Variants in HGSNAT observed in about 807,000 individuals in gnomAD.
HGSNAT encodes heparan-alpha-glucosaminide N-acetyltransferase, also known as transmembrane protein 76.
Under a neutral mutation model 85.2 loss-of-function variants are expected in HGSNAT, and 59 were observed. That is an observed-to-expected ratio of 0.69 (90% CI 0.56 to 0.86). The LOEUF (loss-of-function observed/expected upper bound fraction) is 0.86. HGSNAT is among the 40% of genes least tolerant of loss of function. HGSNAT has a pLI of 0.00. For synonymous variants in HGSNAT, 321 were observed against 304.5 expected (o/e 1.05, Z -0.56); for missense variants, 756 against 777.1 (o/e 0.97, Z 0.32).
intron 17 of HGSNAT, among the ~76,000 whole-genome samples, chr8:43,199,084 A>G (rs1804830735): frequency 6.6e-6 from 1 of 152,090 alleles, no homozygotes; most frequent in South Asian, 2.1e-4. Context: ...TATTTTTAGT[A>G]GAGACGGGGT....
chr8:43,187,832 G>T lies in HGSNAT; in HGVS notation c.1129-3642G>T, dbSNP rs146128478. Among the ~76,000 whole-genome samples, 851 of 152,286 alleles carry T rather than the reference G, an allele frequency of 5.6e-3. 19 individuals are homozygous for T. Among genetic ancestry groups the T allele is most frequent in the Admixed American group, 0.039 (590 of 15,296 alleles). ...TTCCTTGAGGAGCTCTTGTAAGGTA[G>T]GCCTGCTGGTGACAAAATCTTTCAG... is the stretch of plus-strand genomic sequence containing the variant. On this transcript the variant is annotated intron_variant, in intron 11 of 17. Coordinates refer to ENST00000379644, the MANE Select transcript of HGSNAT (RefSeq NM_152419.3).
chr8:43,184,386 GTGA>G (rs1453542895), intron 11 of HGSNAT, among the ~76,000 whole-genome samples: 1 of 152,284 alleles, frequency 6.6e-6, no homozygotes, highest in South Asian at 2.1e-4. Flanking sequence ...CTGATGGCCA[GTGA>G]TGATGAGCAT....
Position 43,180,044 on chromosome 8 carries a change from G to C in HGSNAT, c.1012+1810G>C. On this transcript the variant is annotated intron_variant, in intron 10 of 17. Transcript: ENST00000379644. ...GAGCCCCTCACCTCCCAGACGGGGC[G>C]GCTGGCCGGGCGGGGGGCTGACCCC... is the stretch of plus-strand genomic sequence containing the variant. Among the ~76,000 whole-genome samples the C allele has an allele frequency of 1.6e-5, 2 of 123,056 alleles. 1 individual carries two copies. Among genetic ancestry groups the C allele is most frequent in the Non-Finnish European group, 3.5e-5 (2 of 57,928 alleles). 80.7% of individuals were successfully genotyped at this position (123,056 alleles called of 152,430 possible).
intron 1 of HGSNAT, among the ~76,000 whole-genome samples, chr8:43,140,840 G>A (rs1034199978): frequency 6.6e-5 from 10 of 152,204 alleles, no homozygotes; most frequent in Admixed American, 5.9e-4. Flanking sequence ...GGGCGGTTCG[G>A]ACCGCGGCGG....
At chr8:43,141,253 C>T (rs539987459) in intron 1 of HGSNAT, among the ~76,000 whole-genome samples, 5 of 152,268 alleles carry the variant, frequency 3.3e-5, no homozygotes, top group South Asian at 2.1e-4. Context: ...CCGCGCGTCT[C>T]CCCTCGGCGC....
At chr8:43,167,898 C>T in intron 5 of HGSNAT, 1 of 261,062 alleles carries the variant, frequency 3.8e-6, no homozygotes, top group Non-Finnish European at 7.7e-6. Flanking sequence ...TTAATGTTAT[C>T]TGGATATCTT....
chr8:43,158,689 T>C lies in HGSNAT; in HGVS notation c.349T>C (p.Leu117=), dbSNP rs767496944. Residue 117 remains leucine, a synonymous_variant, in exon 3 of 18, where the codon TTG becomes CTG. Coordinates refer to ENST00000379644, the MANE Select transcript of HGSNAT (RefSeq NM_152419.3). ...HGSILQLNDT[L]EEKEVCRLEY... is the part of the protein sequence containing the mutation. ...ATCTATCCTGCAGCTGAACGACACC[T>C]TGGAAGAGAAAGAAGTTTGTAGGTT... 1 of 1,606,630 alleles carries C rather than the reference T, an allele frequency of 6.2e-7. No homozygotes were observed. The highest frequency in any genetic ancestry group is 1.7e-5 in the Admixed American group (1 of 58,736).
rs1804859911 is a variant in HGSNAT at position 43,199,785 on chromosome 8, T to A, written c.*216T>A. The A allele has an allele frequency of 5.3e-6, 2 of 374,966 alleles. No homozygotes were observed. Among genetic ancestry groups the A allele is most frequent in the Non-Finnish European group, 9.4e-6 (2 of 211,792 alleles). The allele number at this position is 374,966 out of a possible 1,614,324, so 23.2% of individuals were successfully genotyped here. A position where few individuals can be genotyped will look rare whatever the true frequency, so the allele number is the denominator to read the frequency against. On this transcript the variant is annotated 3_prime_UTR_variant, in exon 18 of 18. Transcript: ENST00000379644. ...GTGACTTACAGATTTGAAATGTAAT[T>A]GTCTTTTTTCCTCCATCTTCTGTGG...
chr8:43,199,605 G>A lies in HGSNAT; in HGVS notation c.*36G>A, dbSNP rs1386979723. The A allele has an allele frequency of 2.7e-6, 4 of 1,468,936 alleles. No individual in the cohort carries two copies. The African/African-American group carries it at 4.2e-5, about 16-fold the overall frequency. 91.0% of individuals were successfully genotyped at this position (1,468,936 alleles called of 1,614,324 possible). A position where few individuals can be genotyped will look rare whatever the true frequency, so the allele number is the denominator to read the frequency against. Reference sequence around the variant, plus strand: ...TGAGATGTGCTGCTGGAAGACTCTAGTAGGCCTGCAGGGAGGACTGAAGCA... The same window carrying A: ...TGAGATGTGCTGCTGGAAGACTCTAATAGGCCTGCAGGGAGGACTGAAGCA... On this transcript the variant is annotated 3_prime_UTR_variant, in exon 18 of 18. Transcript: ENST00000379644.
intron 4 of HGSNAT, 119 bp from the exon 5 acceptor site, chr8:43,161,319 C>A: frequency 1.4e-6 from 1 of 707,550 alleles, no homozygotes; most frequent in Non-Finnish European, 2.4e-6. Context: ...GGAAATTCAG[C>A]ATGAGAATAT....
intron 11 of HGSNAT, among the ~76,000 whole-genome samples, chr8:43,185,686 T>C (rs1357305970): frequency 6.6e-6 from 1 of 152,098 alleles, no homozygotes; most frequent in Non-Finnish European, 1.5e-5. Flanking sequence ...TGAACAGGAG[T>C]GGTGAGAGAG....
At chr8:43,145,798 A>T (rs1459126976) in intron 1 of HGSNAT, among the ~76,000 whole-genome samples, 1 of 152,092 alleles carries the variant, frequency 6.6e-6, no homozygotes, top group Non-Finnish European at 1.5e-5. Flanking sequence ...TGAAGAATTC[A>T]TGATTCTGCC....
intron 17 of HGSNAT, 83 bp downstream of exon 17, chr8:43,198,035 G>T (rs1804786464): frequency 1.0e-6 from 1 of 980,862 alleles, no homozygotes; most frequent in South Asian, 1.5e-5. Flanking sequence ...CTTGGTGCTG[G>T]GGTCTTGAGC....
In HGSNAT at chr8:43,200,364, C is replaced by A. The variant is rs1160762184; in HGVS notation, c.*795C>A. The A allele has an allele frequency of 1.3e-5, 2 of 152,172 alleles. No homozygotes were observed. Among genetic ancestry groups the A allele is most frequent in the Non-Finnish European group, 2.9e-5 (2 of 68,070 alleles). 9.4% of individuals were successfully genotyped at this position (152,172 alleles called of 1,614,324 possible). A position where few individuals can be genotyped will look rare whatever the true frequency, so the allele number is the denominator to read the frequency against. The stretch of plus-strand genomic sequence containing the variant: ...GCCATCCCTGCTGGGTGATGCTGGG[C>A]AAGACCCTTGGCCCGTCTGGGCCTT... On this transcript the variant is annotated 3_prime_UTR_variant, in exon 18 of 18. Coordinates refer to ENST00000379644, the MANE Select transcript of HGSNAT (RefSeq NM_152419.3).
At chr8:43,156,493 AC>A (rs1182710102) in intron 2 of HGSNAT, among the ~76,000 whole-genome samples, 3 of 151,778 alleles carry the variant, frequency 2.0e-5, no homozygotes, top group Non-Finnish European at 4.4e-5. Context: ...TTTTTCATTG[AC>A]TCATTGGTTA....
rs767574122 is a variant in HGSNAT, at chr8:43,172,339, A to G, written c.773A>G (p.Asn258Ser). ...GCTCTTATACTCATGGTCTTTGTCA[A>G]TTATGGAGGAGGAAAATATTGGTAC... The part of the protein sequence containing the change: ...GIALILMVFV[N>S]YGGGKYWYFK... Residue 258 changes from asparagine (N) to serine (S), a missense_variant, in exon 8 of 18, where the codon AAT (asparagine) becomes AGT (serine). Physicochemically the swap from Asn to Ser is conservative, Grantham distance 46. Transcript: ENST00000379644. 5.0e-6 allele frequency: 8 copies of G among 1,612,254 alleles called. No homozygotes were observed. The highest frequency in any genetic ancestry group is 6.8e-6 in the Non-Finnish European group (8 of 1,178,312).
At chr8:43,144,514 G>A (rs748754936) in intron 1 of HGSNAT, among the ~76,000 whole-genome samples, 3 of 151,900 alleles carry the variant, frequency 2.0e-5, no homozygotes, top group Non-Finnish European at 2.9e-5. Context: ...ATACTCTTAT[G>A]ACCCTTAATT....
chr8:43,189,762 A>T (rs1333171035), intron 11 of HGSNAT, among the ~76,000 whole-genome samples: 3 of 152,014 alleles, frequency 2.0e-5, no homozygotes, highest in Admixed American at 2.0e-4. Context: ...CGCCCAGCTA[A>T]TTTTTTGTAT....
chr8:43,185,834 G>A (rs1047600222), intron 11 of HGSNAT, among the ~76,000 whole-genome samples: 1 of 152,192 alleles, frequency 6.6e-6, no homozygotes, highest in African/African-American at 2.4e-5. Context: ...TTTATTGAAA[G>A]TTTTTAGCAT....
Sources: allele counts gnomAD v4.1 joint callset (sites outside exome capture counted in the v4.1 genomes callset), GRCh38; gene constraint gnomAD v4.1.1; transcripts MANE v1.5; gene names NCBI Gene and HGNC (gene_info 2026-07-23, HGNC 2026-07-21).